The following GATM variants were observed in gnomAD, a reference collection of about 807,000 sequenced individuals.
GATM encodes glycine amidinotransferase, mitochondrial.
A neutral mutation model predicts 54.2 loss-of-function variants in GATM; 23 were observed. The observed-to-expected ratio is 0.42, with a 90% CI of 0.31 to 0.60. The LOEUF is 0.60. Among genes scored for constraint, GATM ranks in the 20% least tolerant of loss-of-function variants. GATM has a pLI of 0.14. For synonymous variants in GATM, 168 were observed against 183.1 expected, an observed-to-expected ratio of 0.92 and a Z score of 0.67; for missense variants, 401 against 544.9, an observed-to-expected ratio of 0.74 and a Z score of 2.63.
At chr15:45,392,100 T>C (rs1253914707) in intron 3 of GATM, among the ~76,000 whole-genome samples, 3 of 152,188 alleles carry the variant, frequency 2.0e-5, no homozygotes, top group East Asian at 1.9e-4. Flanking sequence ...ATGTAACTCA[T>C]AGAGTTATGA....
rs753968876 is a variant in GATM, at chr15:45,363,971, A to G, written c.1088T>C (p.Leu363Ser). The change falls in exon 8 of 9, where the codon TTA becomes TCA. Residue 363 changes from leucine to serine, a missense_variant. Transcript: ENST00000396659. ...MSSKWLSMNV[L>S]MLDEKRVMVD... ...CATAACACGTTTTTCATCTAGCATT[A>G]AGACATTCATGGAAAGCCATTTGGA... 1.2e-6 allele frequency: 2 copies of G among 1,613,578 alleles called. No individual in the cohort carries two copies. The highest frequency in any genetic ancestry group is 1.7e-6 in the Non-Finnish European group (2 of 1,179,730).
At chr15:45,371,688 TCTGA>T (rs1174850442) in intron 2 of GATM, among the ~76,000 whole-genome samples, 2 of 152,232 alleles carry the variant, frequency 1.3e-5, no homozygotes, top group Non-Finnish European at 2.9e-5. Context: ...ACTCAAGTTC[TCTGA>T]CTGTTACTCA....
At chr15:45,365,469 A>C (rs1889432484) in intron 6 of GATM, among the ~76,000 whole-genome samples, 1 of 152,264 alleles carries the variant, frequency 6.6e-6, no homozygotes, top group Non-Finnish European at 1.5e-5. Flanking sequence ...ACAGTATAAC[A>C]GTGGTTTTTA....
chr15:45,363,081 G>A (rs902170200), intron 8 of GATM, among the ~76,000 whole-genome samples: 2 of 152,076 alleles, frequency 1.3e-5, no homozygotes, highest in Admixed American at 6.6e-5. Context: ...TCAGGAGTTC[G>A]AGACCAGCCT....
At chr15:45,370,302 G>A (rs1889518553) in intron 2 of GATM, among the ~76,000 whole-genome samples, 1 of 151,762 alleles carries the variant, frequency 6.6e-6, no homozygotes, top group Non-Finnish European at 1.5e-5. Flanking sequence ...CTTGAACCCA[G>A]GAGGCAGAGG....
intron 3 of GATM, among the ~76,000 whole-genome samples, chr15:45,386,778 T>A (rs1248828843): frequency 2.0e-5 from 3 of 152,220 alleles, no homozygotes. Context: ...CCCTCTCGAA[T>A]ATTCTTACTT....
rs1219244204 is a variant in GATM, at chr15:45,378,478, G to A, written c.-25C>T. The A allele has an allele frequency of 6.3e-6, 9 of 1,421,134 alleles. No individual in the cohort carries two copies. The East Asian group carries it at 1.2e-4, about 19-fold the overall frequency. The allele number at this position is 1,421,134 out of a possible 1,614,324, so 88.0% of individuals were successfully genotyped here. A position where few individuals can be genotyped will look rare whatever the true frequency, so the allele number is the denominator to read the frequency against. ...TCGCCCTGGCCCGGCTGGTCCACGCGCGGAATGTTCCTGGCCTCTGGGCCG... is the reference window on the plus strand; with the variant it reads ...TCGCCCTGGCCCGGCTGGTCCACGCACGGAATGTTCCTGGCCTCTGGGCCG... On this transcript the variant is annotated 5_prime_UTR_variant, in exon 1 of 9. Coordinates refer to ENST00000396659, the MANE Select transcript of GATM (RefSeq NM_001482.3).
At chr15:45,395,218 G>A (rs961753886) in intron 3 of GATM, among the ~76,000 whole-genome samples, 2 of 152,136 alleles carry the variant, frequency 1.3e-5, no homozygotes, top group Admixed American at 1.3e-4. Flanking sequence ...TTCTGGCTCA[G>A]TCCCCAAGAC....
intron 3 of GATM, among the ~76,000 whole-genome samples, chr15:45,393,411 T>C (rs1157386646): frequency 7.4e-6 from 1 of 134,292 alleles, no homozygotes; most frequent in Non-Finnish European, 1.6e-5. Flanking sequence ...TTCTCTCAAC[T>C]ATAAATTAAA....
chr15:45,375,005 C>G (rs1254235911), intron 2 of GATM, among the ~76,000 whole-genome samples: 1 of 152,166 alleles, frequency 6.6e-6, no homozygotes, highest in Non-Finnish European at 1.5e-5. Context: ...AGTATAGAAC[C>G]TGAACACCAG....
intron 8 of GATM, chr15:45,363,612 G>A (rs1889400926): frequency 3.1e-5 from 16 of 519,024 alleles, no homozygotes; most frequent in Non-Finnish European, 5.1e-5. Context: ...CACCTGCAAA[G>A]GGGTGGTTTT....
chr15:45,378,541 G>C lies in GATM; in HGVS notation c.-88C>G. ...CCTTCCCGAGAGCGCGCCCGGAGCG[G>C]GGTGGGCGGGCGCGCGGGGCCCGAG... On this transcript the variant is annotated 5_prime_UTR_variant, in exon 1 of 9. Transcript: ENST00000396659. 4.6e-6 allele frequency: 5 copies of C among 1,098,882 alleles called. No individual in the cohort carries two copies. The highest frequency in any genetic ancestry group is 5.9e-6 in the Non-Finnish European group (5 of 841,062). The allele number at this position is 1,098,882 out of a possible 1,614,324, so 68.1% of individuals were successfully genotyped here. A position where few individuals can be genotyped will look rare whatever the true frequency, so the allele number is the denominator to read the frequency against.
chr15:45,381,331 G>A (rs1889738880), upstream of GATM, among the ~76,000 whole-genome samples: 1 of 152,072 alleles, frequency 6.6e-6, no homozygotes, highest in African/African-American at 2.4e-5. Context: ...GTATAAAGGG[G>A]TCTAAAAGGA....
At chr15:45,399,779 T>C (rs567474974) in intron 1 of GATM, among the ~76,000 whole-genome samples, 31 of 152,346 alleles carry the variant, frequency 2.0e-4, no homozygotes, top group Admixed American at 1.7e-3. Flanking sequence ...AACAATCCTG[T>C]AGCCTTCAGG....
chr15:45,393,380 A>G (rs891042713), intron 3 of GATM, among the ~76,000 whole-genome samples: 1 of 151,954 alleles, frequency 6.6e-6, no homozygotes, highest in African/African-American at 2.4e-5. Flanking sequence ...TGGGAAAGCT[A>G]CTTAACATTT....
intron 3 of GATM, among the ~76,000 whole-genome samples, chr15:45,394,228 C>G (rs559223139): frequency 6.6e-6 from 1 of 152,186 alleles, no homozygotes; most frequent in Non-Finnish European, 1.5e-5. Flanking sequence ...GTGAATCTTA[C>G]TATATACTGT....
intron 6 of GATM, 33 bp downstream of exon 6, chr15:45,366,013 G>C: frequency 6.2e-7 from 1 of 1,609,168 alleles, no homozygotes; most frequent in Non-Finnish European, 8.5e-7. Context: ...ACTAGATTCT[G>C]TTGCTTTTCC....
In GATM at chr15:45,363,916, C is replaced by G; in HGVS notation, c.1143G>C (p.Lys381Asn). Residue 381 changes from lysine (K) to asparagine (N), a missense_variant, in exon 8 of 9, where the codon AAG (lysine) becomes AAC (asparagine). Around this residue, in one of 3 missense-constraint regions of GATM, gnomAD observed 321 missense variants for 457.5 expected, o/e 0.70. Transcript: ENST00000396659. ...MVDANEVPIQKMFEKLGITTI... is the reference protein window; with the variant it reads ...MVDANEVPIQNMFEKLGITTI... The stretch of plus-strand genomic sequence containing the variant: ...TGTACATACCCAGCTTTTCAAACAT[C>G]TTTTGAATTGGAACTTCATTGGCAT... 1 of 1,607,134 alleles carries G rather than the reference C, an allele frequency of 6.2e-7. No homozygotes were observed. The highest frequency in any genetic ancestry group is 1.1e-5 in the South Asian group (1 of 90,886).
intron 3 of GATM, among the ~76,000 whole-genome samples, chr15:45,393,793 TG>T (rs1889897291): frequency 6.6e-6 from 1 of 152,208 alleles, no homozygotes; most frequent in Admixed American, 6.5e-5. Context: ...GCATTTCCTT[TG>T]AGCATCATGT....
Sources: gnomAD v4.1 joint callset for allele counts (sites outside exome capture counted in the v4.1 genomes callset) on GRCh38, gnomAD v4.1.1 for gene constraint, gnomAD v4.1.1 regional missense constraint, MANE v1.5 for transcripts, NCBI Gene and HGNC (gene_info 2026-07-23, HGNC 2026-07-21) for gene names.